The following CRTAM variants were observed in gnomAD, a reference collection of about 807,000 sequenced individuals.
The protein encoded by CRTAM is cytotoxic and regulatory T-cell molecule.
Under a neutral mutation model 50.0 loss-of-function variants are expected in CRTAM, and 44 were observed. The observed-to-expected ratio is 0.88, with a 90% CI of 0.69 to 1.13. The LOEUF (loss-of-function observed/expected upper bound fraction) is 1.13. Ranked by LOEUF, CRTAM falls within the 50% of genes most tolerant of loss-of-function variation. The pLI is 0.00. For synonymous variants in CRTAM, 159 were observed against 169.3 expected (o/e 0.94, Z 0.47); for missense variants, 448 against 457.5 (o/e 0.98, Z 0.19).
intron 2 of CRTAM, among the ~76,000 whole-genome samples, chr11:122,850,987 C>A (rs946414611): frequency 6.6e-6 from 1 of 152,168 alleles, no homozygotes. Flanking sequence ...GCTGGCTGGG[C>A]GTGGTGGCTC....
At chr11:122,850,562 C>T (rs1861917614) in intron 2 of CRTAM, among the ~76,000 whole-genome samples, 1 of 152,188 alleles carries the variant, frequency 6.6e-6, no homozygotes, top group Non-Finnish European at 1.5e-5. Flanking sequence ...TGACTGGGAG[C>T]CCGATCCTCA....
chr11:122,851,808 C>T lies in CRTAM; in HGVS notation c.309C>T (p.Asp103=). The T allele has an allele frequency of 6.2e-7, 1 of 1,614,158 alleles. No individual in the cohort carries two copies. The highest frequency in any genetic ancestry group is 8.5e-7 in the Non-Finnish European group (1 of 1,180,002). The change falls in exon 3 of 10, where the codon GAC becomes GAT. Residue 103 remains aspartate, a synonymous_variant. Transcript: ENST00000227348. ...TGTACAAGTGCTTACATTACAGCGA[C>T]TCTGTAAGCACAAAGGAAGTGAAAG... ...EGVYKCLHYS[D]SVSTKEVKVI...
chr11:122,860,700 CCTT>C (rs1055580629), intron 5 of CRTAM, among the ~76,000 whole-genome samples: 2 of 151,954 alleles, frequency 1.3e-5, no homozygotes, highest in African/African-American at 2.4e-5. Context: ...CCAGTGATGT[CCTT>C]CTTCTTTTTT....
Position 122,872,313 on chromosome 11 carries a change from A to G in CRTAM, c.*914A>G, listed in dbSNP as rs1055437289. The stretch of plus-strand genomic sequence containing the variant: ...CCCAAAGATTCGAATTCCTTAGATT[A>G]CTAAATCACATGAGCGGACCTTGTC... On this transcript the variant is annotated 3_prime_UTR_variant, in exon 10 of 10. Coordinates refer to ENST00000227348, the MANE Select transcript of CRTAM (RefSeq NM_019604.4). 6.6e-6 allele frequency: 1 copy of G among 152,238 alleles called. No homozygotes were observed. The highest frequency in any genetic ancestry group is 1.5e-5 in the Non-Finnish European group (1 of 68,054). 9.4% of individuals were successfully genotyped at this position (152,238 alleles called of 1,614,324 possible).
At chr11:122,867,610 A>G (rs1862196603) in intron 8 of CRTAM, 55 bp downstream of exon 8, 5 of 1,553,972 alleles carry the variant, frequency 3.2e-6, no homozygotes, top group Admixed American at 3.9e-5. Context: ...AAATGGCTAA[A>G]AAAAAGGGAA....
intron 1 of CRTAM, among the ~76,000 whole-genome samples, chr11:122,842,227 C>A (rs1861807524): frequency 6.6e-6 from 1 of 152,152 alleles, no homozygotes; most frequent in African/African-American, 2.4e-5. Context: ...ATAGCAAACA[C>A]TTGAATGAAG....
intron 8 of CRTAM, 134 bp from the exon 9 acceptor site, chr11:122,867,879 A>G (rs1161145535): frequency 1.6e-6 from 1 of 645,088 alleles, no homozygotes; most frequent in Non-Finnish European, 2.7e-6. Flanking sequence ...GTGTTGAATT[A>G]ATGAGGTATG....
chr11:122,849,522 G>A (rs1850869635), intron 1 of CRTAM, among the ~76,000 whole-genome samples: 2 of 152,162 alleles, frequency 1.3e-5, no homozygotes, highest in African/African-American at 4.8e-5. Flanking sequence ...AGGAGTTCGA[G>A]ACCAGCCTGG....
intron 1 of CRTAM, among the ~76,000 whole-genome samples, chr11:122,839,224 G>A (rs758370441): frequency 6.6e-6 from 1 of 152,152 alleles, no homozygotes; most frequent in South Asian, 2.1e-4. Context: ...AAGCCACCGC[G>A]CCCGGCCTCC....
chr11:122,842,455 T>A (rs2135228120), intron 1 of CRTAM, among the ~76,000 whole-genome samples: 1 of 152,234 alleles, frequency 6.6e-6, no homozygotes, highest in Admixed American at 6.5e-5. Context: ...TTTTTTGTAT[T>A]TTTAGTAGAC....
At chr11:122,858,104 G>T (rs1022354393) in intron 5 of CRTAM, among the ~76,000 whole-genome samples, 3 of 152,066 alleles carry the variant, frequency 2.0e-5, no homozygotes, top group South Asian at 4.1e-4. Context: ...CTGAGACGGG[G>T]TCTCCCTATG....
Position 122,855,842 on chromosome 11 carries a change from G to C in CRTAM, c.638G>C (p.Arg213Pro), listed in dbSNP as rs551538712. 3.1e-6 allele frequency: 5 copies of C among 1,611,660 alleles called. No homozygotes were observed. The South Asian group carries it at 5.5e-5, about 18-fold the overall frequency. ...GGGAGAAAACTAGTAGCACCCTTCC[G>C]GTTTGAAGATTTGGGTAAGAAGAAC... The part of the protein sequence containing the change: ...LQGRKLVAPF[R>P]FEDLVTDEET... Residue 213 changes from arginine (R) to proline (P), a missense_variant, in exon 5 of 10, where the codon CGG becomes CCG. By Grantham distance (103) the Arg-to-Pro change is moderately radical. Coordinates refer to ENST00000227348, the MANE Select transcript of CRTAM (RefSeq NM_019604.4).
In CRTAM at chr11:122,841,111, T is replaced by C. The variant is rs147162626; in HGVS notation, c.46+2519T>C. Among the ~76,000 whole-genome samples, 1,427 of 152,334 alleles carry C rather than the reference T, an allele frequency of 9.4e-3. 22 individuals carry two copies. The highest frequency in any genetic ancestry group is 0.032 in the African/African-American group (1,332 of 41,584). ...ACATGTTGAGACAGCTTCTTTAAAA[T>C]GTACTAAAAATATTCCGATTCTGAC... On this transcript the variant is annotated intron_variant, in intron 1 of 9. Transcript: ENST00000227348.
At position 122,867,483 on chromosome 11, in the gene CRTAM, AT is replaced by A; in HGVS notation, c.896del (p.Phe299SerfsTer6). 6.2e-7 allele frequency: 1 copy of A among 1,613,962 alleles called. No homozygotes were observed. The highest frequency in any genetic ancestry group is 8.5e-7 in the Non-Finnish European group (1 of 1,179,980). On this transcript the variant is annotated frameshift_variant, in exon 8 of 10. Coordinates refer to ENST00000227348, the MANE Select transcript of CRTAM (RefSeq NM_019604.4). LOFTEE classifies it high-confidence loss of function. Reference sequence around the variant, plus strand: ...GCTGCTCACGCTGGTGTCCTTCCTCATTTTCATACTCTTCATCATAGTCCAG... The same window carrying A: ...GCTGCTCACGCTGGTGTCCTTCCTCATTTCATACTCTTCATCATAGTCCAG... ...ILLLTLVSFL[I>X]FILFIIVQLF...
At chr11:122,863,315 G>GAA (rs1862117735) in intron 6 of CRTAM, among the ~76,000 whole-genome samples, 1 of 100,508 alleles carries the variant, frequency 9.9e-6, no homozygotes, top group African/African-American at 3.8e-5. Flanking sequence ...AGAAAAGAAA[G>GAA]AAAGAAAAAG....
chr11:122,861,679 G>A (rs975332576), intron 5 of CRTAM, among the ~76,000 whole-genome samples: 6 of 151,702 alleles, frequency 4.0e-5, no homozygotes, highest in Non-Finnish European at 8.8e-5. Context: ...GATTTCAGGC[G>A]ATCCACCCAC....
intron 2 of CRTAM, 36 bp from the exon 3 acceptor site, chr11:122,851,657 C>T (rs1377157778): frequency 1.2e-6 from 2 of 1,607,872 alleles, no homozygotes; most frequent in Non-Finnish European, 1.7e-6. Flanking sequence ...CATCGGATAT[C>T]TTTCCTCATA....
At chr11:122,871,062 G>A (rs1461213290) in intron 9 of CRTAM, among the ~76,000 whole-genome samples, 1 of 152,024 alleles carries the variant, frequency 6.6e-6, no homozygotes, top group Non-Finnish European at 1.5e-5. Flanking sequence ...CTGGGTGGCA[G>A]AGTGAGAACC....
At chr11:122,850,355 G>A (rs1001546067) in intron 2 of CRTAM, 141 bp downstream of exon 2, 21 of 752,906 alleles carry the variant, frequency 2.8e-5, no homozygotes, top group African/African-American at 6.9e-5. Flanking sequence ...CATGAATCAC[G>A]CCTCCAAATC....
Sources: gnomAD v4.1 joint callset for allele counts (sites outside exome capture counted in the v4.1 genomes callset) on GRCh38, gnomAD v4.1.1 for gene constraint, MANE v1.5 for transcripts, NCBI Gene and HGNC (gene_info 2026-07-23, HGNC 2026-07-21) for gene names.